The following SHANK2 variants were observed in gnomAD, a reference collection of about 807,000 sequenced individuals.
SHANK2 encodes the protein SH3 and multiple ankyrin repeat domains 2.
In SHANK2, 43 loss-of-function variants were observed where a neutral mutation model predicts 133.7. That is an observed-to-expected ratio of 0.32 (90% CI 0.25 to 0.41). The LOEUF is 0.41. Among genes scored for constraint, SHANK2 ranks in the 10% least tolerant of loss-of-function variants. SHANK2 has a pLI of 1.00. For synonymous variants in SHANK2, 1,017 were observed against 952.8 expected, an observed-to-expected ratio of 1.07 and a Z score of -1.24; for missense variants, 1,994 against 2,235.8, an observed-to-expected ratio of 0.89 and a Z score of 2.18.
intron 17 of SHANK2, among the ~76,000 whole-genome samples, chr11:70,653,352 A>G (rs1555010673): frequency 6.6e-6 from 1 of 152,120 alleles, no homozygotes; most frequent in East Asian, 1.9e-4. Context: ...AGCTCTAACA[A>G]CTGTTCTTCA....
intron 17 of SHANK2, among the ~76,000 whole-genome samples, chr11:70,583,495 T>C (rs2060210152): frequency 1.3e-5 from 2 of 152,256 alleles, no homozygotes; most frequent in South Asian, 4.2e-4. Context: ...GCAGGTGCGA[T>C]TTTCATGAGC....
At chr11:70,509,421 T>C (rs1382163096) in intron 17 of SHANK2, among the ~76,000 whole-genome samples, 9 of 144,714 alleles carry the variant, frequency 6.2e-5, no homozygotes, top group Admixed American at 5.0e-4. Flanking sequence ...AAAAATGGCC[T>C]CAAGTCCCAT....
intron 10 of SHANK2, among the ~76,000 whole-genome samples, chr11:70,942,048 G>A (rs1373422935): frequency 6.6e-6 from 1 of 152,044 alleles, no homozygotes; most frequent in African/African-American, 2.4e-5. Flanking sequence ...TTAGCCGGGT[G>A]TGGTGGTGGG....
chr11:71,105,011 T>C (rs1951781206), intron 6 of SHANK2, among the ~76,000 whole-genome samples: 2 of 152,332 alleles, frequency 1.3e-5, no homozygotes, highest in South Asian at 4.1e-4. Flanking sequence ...GTTTGATCTG[T>C]ACAAAAACCC....
intron 17 of SHANK2, among the ~76,000 whole-genome samples, chr11:70,522,116 C>T (rs72946442): frequency 0.045 from 6,853 of 152,302 alleles, 152 homozygotes; most frequent in Middle Eastern, 0.095. Context: ...CTTGCAGTTC[C>T]GCCACGTGAT....
At chr11:70,689,344 C>T (rs1945226709) in intron 15 of SHANK2, among the ~76,000 whole-genome samples, 1 of 152,006 alleles carries the variant, frequency 6.6e-6, no homozygotes, top group Admixed American at 6.6e-5. Context: ...AGAGGAAATC[C>T]AGAAAGGCTG....
intron 17 of SHANK2, among the ~76,000 whole-genome samples, chr11:70,592,170 T>C (rs1194143740): frequency 1.3e-5 from 2 of 152,156 alleles, no homozygotes; most frequent in African/African-American, 4.8e-5. Context: ...AGGCTGTGAA[T>C]TGATGTGTGC....
intron 14 of SHANK2, among the ~76,000 whole-genome samples, chr11:70,711,256 G>A (rs1945775781): frequency 6.6e-6 from 1 of 152,128 alleles, no homozygotes. Context: ...CCGTTTAGAG[G>A]GCTCAGGGTC....
At chr11:71,098,920 T>G (rs1434397211) in intron 6 of SHANK2, among the ~76,000 whole-genome samples, 3 of 152,126 alleles carry the variant, frequency 2.0e-5, no homozygotes, top group African/African-American at 7.2e-5. Flanking sequence ...GGACCATCTC[T>G]CCGTGGGGAA....
At position 71,175,120 on chromosome 11, in the gene SHANK2, G is replaced by T. The variant is rs1953402086; in HGVS notation, c.-12-27782C>A. 6.6e-6 allele frequency among the ~76,000 whole-genome samples: 1 copy of T among 152,174 alleles called. No homozygotes were observed. Among genetic ancestry groups the T allele is most frequent in the East Asian group, 1.9e-4 (1 of 5,196 alleles). On this transcript the variant is annotated intron_variant, in intron 2 of 25. Coordinates refer to ENST00000601538, the MANE Select transcript of SHANK2 (RefSeq NM_012309.5). This position sits in a 1 kb window ranked among gnomAD's most constrained non-coding sequence, Gnocchi z 4.2. ...TGCATTTACCAGAGCAAGGGATTTT[G>T]TTAAATCTGTGCCTTATCTATTTTG...
intron 11 of SHANK2, among the ~76,000 whole-genome samples, chr11:70,890,317 A>G (rs1188137060): frequency 1.3e-5 from 2 of 152,010 alleles, no homozygotes; most frequent in African/African-American, 4.8e-5. Flanking sequence ...CAGCCTGGCC[A>G]ATATGGTGAA....
At chr11:71,069,631 G>A (rs1249609794) in intron 9 of SHANK2, among the ~76,000 whole-genome samples, 3 of 152,116 alleles carry the variant, frequency 2.0e-5, no homozygotes, top group African/African-American at 7.2e-5. Flanking sequence ...CTGTGAATTC[G>A]GTTTAATTAT....
At chr11:70,835,976 C>A (rs1427468406) in intron 11 of SHANK2, among the ~76,000 whole-genome samples, 1 of 152,170 alleles carries the variant, frequency 6.6e-6, no homozygotes, top group Admixed American at 6.5e-5. Context: ...GGCAGCAGCT[C>A]TCCCTGTCTC....
At chr11:70,625,138 A>C (rs1554999524) in intron 17 of SHANK2, among the ~76,000 whole-genome samples, 1 of 152,164 alleles carries the variant, frequency 6.6e-6, no homozygotes, top group Non-Finnish European at 1.5e-5. Flanking sequence ...AGGCAAGGAC[A>C]GGCAGGCGTG....
At chr11:70,814,020 C>T (rs1199147635) in intron 12 of SHANK2, among the ~76,000 whole-genome samples, 1 of 152,206 alleles carries the variant, frequency 6.6e-6, no homozygotes, top group Non-Finnish European at 1.5e-5. Context: ...GCCAGACTAA[C>T]CCTGGGCACA....
intron 4 of SHANK2, among the ~76,000 whole-genome samples, chr11:71,117,272 G>A (rs553687214): frequency 4.7e-4 from 71 of 152,166 alleles, no homozygotes; most frequent in African/African-American, 1.7e-3. Flanking sequence ...CACCTTCCTC[G>A]GCCTCCCAAA....
chr11:70,804,945 C>T lies in SHANK2; in HGVS notation c.1663+2057G>A, dbSNP rs1555051533. ...TAAGGGACTCTCAGCTGTTTAGTGC[C>T]CACTCCCATGGGCCTCTGCTCTATG... On this transcript the variant is annotated intron_variant, in intron 13 of 25. Coordinates refer to ENST00000601538, the MANE Select transcript of SHANK2 (RefSeq NM_012309.5). The surrounding 1 kb of genome is among the most constrained non-coding windows in gnomAD (Gnocchi z 4.1). 6.6e-6 allele frequency among the ~76,000 whole-genome samples: 1 copy of T among 152,162 alleles called. No individual in the cohort carries two copies. The highest frequency in any genetic ancestry group is 1.5e-5 in the Non-Finnish European group (1 of 68,014).
chr11:70,712,667 T>C (rs1945815496), intron 14 of SHANK2, among the ~76,000 whole-genome samples: 1 of 152,228 alleles, frequency 6.6e-6, no homozygotes, highest in African/African-American at 2.4e-5. Flanking sequence ...TGGAGACTCC[T>C]CCTGCAATGG....
At chr11:70,596,189 C>T (rs2060397675) in intron 17 of SHANK2, among the ~76,000 whole-genome samples, 1 of 152,312 alleles carries the variant, frequency 6.6e-6, no homozygotes, top group South Asian at 2.1e-4. Flanking sequence ...GTTTGGCAGC[C>T]CAGGCGAGCC....
Sources: gnomAD v4.1 joint callset for allele counts (sites outside exome capture counted in the v4.1 genomes callset) on GRCh38, gnomAD v4.1.1 for gene constraint, Gnocchi (gnomAD v3.1) non-coding constraint, MANE v1.5 for transcripts, NCBI Gene and HGNC (gene_info 2026-07-23, HGNC 2026-07-21) for gene names.